The following TENM4 variants were observed in gnomAD, a reference collection of about 807,000 sequenced individuals.
TENM4 encodes teneurin-4.
TENM4 carries 82 observed loss-of-function variants against 243.3 expected under a neutral mutation model. The observed-to-expected ratio is 0.34, with a 90% CI of 0.28 to 0.40. The LOEUF is 0.40. TENM4 is among the 10% of genes least tolerant of loss of function. The pLI is 1.00. For missense variants in TENM4, 3,138 were observed against 3,673.3 expected (o/e 0.85, Z 3.77); for synonymous variants, 1,412 against 1,456.3 (o/e 0.97, Z 0.69).
chr11:79,066,746 A>G (rs369383315), intron 5 of TENM4, among the ~76,000 whole-genome samples: 1 of 106,590 alleles, frequency 9.4e-6, no homozygotes. Flanking sequence ...GCACATGCAC[A>G]CACGCACGCA....
chr11:78,870,886 A>G (rs142160703), intron 9 of TENM4, among the ~76,000 whole-genome samples: 38 of 152,264 alleles, frequency 2.5e-4, no homozygotes, highest in African/African-American at 8.4e-4. Flanking sequence ...CTGAAACCTA[A>G]TTTGTACAGA....
chr11:79,264,082 T>C (rs1855842424), intron 2 of TENM4, among the ~76,000 whole-genome samples: 1 of 152,302 alleles, frequency 6.6e-6, no homozygotes, highest in South Asian at 2.1e-4. Context: ...AAAAAAGAGA[T>C]GTTCAAGTAG....
At chr11:78,899,750 C>T (rs954262513) in intron 7 of TENM4, among the ~76,000 whole-genome samples, 1 of 152,102 alleles carries the variant, frequency 6.6e-6, no homozygotes, top group African/African-American at 2.4e-5. Context: ...CCTGGCACCT[C>T]CCCACCCCTC....
Position 78,814,385 on chromosome 11 carries a change from A to T in TENM4, c.1692T>A (p.Asp564Glu). Reference protein sequence around the residue: ...SFLTTAIESVDNCPSNCYGNG... With the variant: ...SFLTTAIESVENCPSNCYGNG... ...TGCCATAGCAGTTGCTGGGGCAGTT[A>T]TCCACCGACTCTGGGGAGAGAAAGG... The change falls in exon 13 of 34, where the codon GAT becomes GAA. Residue 564 changes from aspartate to glutamate, a missense_variant. Coordinates refer to ENST00000278550, the MANE Select transcript of TENM4 (RefSeq NM_001098816.3). 1.3e-6 allele frequency: 2 copies of T among 1,549,624 alleles called. No homozygotes were observed. The highest frequency in any genetic ancestry group is 8.7e-7 in the Non-Finnish European group (1 of 1,146,168).
intron 4 of TENM4, among the ~76,000 whole-genome samples, chr11:79,129,652 G>A (rs574951659): frequency 1.4e-4 from 21 of 152,176 alleles, no homozygotes; most frequent in African/African-American, 4.6e-4. Flanking sequence ...CTCAGCAGGG[G>A]CAGCCATAGT....
At chr11:79,207,586 G>A (rs888212113) in intron 3 of TENM4, among the ~76,000 whole-genome samples, 16 of 152,092 alleles carry the variant, frequency 1.1e-4, no homozygotes, top group Middle Eastern at 3.4e-3. Context: ...TACAGGTGGC[G>A]GGGTGTGGTG....
chr11:79,049,954 T>A (rs1859755419), intron 6 of TENM4, among the ~76,000 whole-genome samples: 1 of 152,242 alleles, frequency 6.6e-6, no homozygotes, highest in Non-Finnish European at 1.5e-5. Flanking sequence ...TTGCTTTTTT[T>A]TCCCTTTTGC....
At chr11:79,312,389 C>T (rs929890659) in intron 1 of TENM4, among the ~76,000 whole-genome samples, 1 of 152,194 alleles carries the variant, frequency 6.6e-6, no homozygotes, top group East Asian at 1.9e-4. Flanking sequence ...TTACTATGTA[C>T]CAGGCATTAT....
At chr11:79,347,520 C>T (rs937659190) in intron 1 of TENM4, among the ~76,000 whole-genome samples, 3 of 152,158 alleles carry the variant, frequency 2.0e-5, no homozygotes, top group Admixed American at 6.5e-5. Context: ...AAGGTGGGGG[C>T]TCAGTGCCTC....
chr11:79,348,452 G>T (rs1453028311), intron 1 of TENM4, among the ~76,000 whole-genome samples: 2 of 152,126 alleles, frequency 1.3e-5, no homozygotes, highest in Non-Finnish European at 2.9e-5. Context: ...TTAAGTTTTG[G>T]TTCTATCACT....
chr11:79,124,893 A>ATGTGTGTGTGTGTG lies in TENM4; in HGVS notation c.-66+23803_-66+23816dup, dbSNP rs71050209. 4.5e-5 allele frequency among the ~76,000 whole-genome samples: 5 copies of ATGTGTGTGTGTGTG among 111,766 alleles called. 1 individual carries two copies. The South Asian group carries it at 1.2e-3, about 26-fold the overall frequency. The allele number at this position is 111,766 out of a possible 152,430, so 73.3% of individuals were successfully genotyped here. ...TGTATGTGTATATATGTATATGTAT[A>ATGTGTGTGTGTGTG]TGTGTGTGTGTGTGTGTGTGTGTGT... On this transcript the variant is annotated intron_variant, in intron 4 of 33. Coordinates refer to ENST00000278550, the MANE Select transcript of TENM4 (RefSeq NM_001098816.3).
chr11:78,750,415 A>G (rs1258400337), intron 19 of TENM4, among the ~76,000 whole-genome samples: 2 of 152,190 alleles, frequency 1.3e-5, no homozygotes, highest in Non-Finnish European at 2.9e-5. Flanking sequence ...AAGTCTCCCG[A>G]CTGAAATTTT....
intron 4 of TENM4, among the ~76,000 whole-genome samples, chr11:79,076,178 T>C (rs1216724014): frequency 6.6e-6 from 1 of 152,204 alleles, no homozygotes; most frequent in Non-Finnish European, 1.5e-5. Context: ...TTCTCGTTTT[T>C]GAGGCCAGGC....
Position 78,738,542 on chromosome 11 carries a change from T to C in TENM4, c.2785A>G (p.Met929Val). The C allele has an allele frequency of 1.2e-6, 2 of 1,613,784 alleles. No individual in the cohort carries two copies. The highest frequency in any genetic ancestry group is 1.7e-6 in the Non-Finnish European group (2 of 1,179,788). ...GHACVIRGQVMTSDGTPLVGV... is the reference protein window; with the variant it reads ...GHACVIRGQVVTSDGTPLVGV... ...ACCAGGGGGGTTCCATCTGATGTCA[T>C]CACTTGGCCACGAATAACACAAGCA... The change falls in exon 20 of 34, where the codon ATG becomes GTG. Residue 929 changes from methionine to valine, a missense_variant. Met to Val is a conservative substitution (Grantham distance 21). Coordinates refer to ENST00000278550, the MANE Select transcript of TENM4 (RefSeq NM_001098816.3).
chr11:79,237,796 G>A lies in TENM4; in HGVS notation c.-264-21887C>T, dbSNP rs539455386. Among the ~76,000 whole-genome samples the A allele has an allele frequency of 3.3e-5, 5 of 152,260 alleles. No homozygotes were observed. The South Asian group carries it at 8.3e-4, about 25-fold the overall frequency. Reference sequence around the variant, plus strand: ...CGGCCAAATAGAAATGTGTTTTGTCGGCTCAGAGGCTCTTTTTCGTTTCCT... The same window carrying A: ...CGGCCAAATAGAAATGTGTTTTGTCAGCTCAGAGGCTCTTTTTCGTTTCCT... On this transcript the variant is annotated intron_variant, in intron 2 of 33. Coordinates refer to ENST00000278550, the MANE Select transcript of TENM4 (RefSeq NM_001098816.3).
At chr11:79,435,527 G>T (rs1811519589) in intron 1 of TENM4, among the ~76,000 whole-genome samples, 1 of 152,148 alleles carries the variant, frequency 6.6e-6, no homozygotes, top group Non-Finnish European at 1.5e-5. Flanking sequence ...TACCCTGCTA[G>T]GCTCTTGGAA....
intron 1 of TENM4, among the ~76,000 whole-genome samples, chr11:79,323,578 C>T (rs1209917025): frequency 2.6e-5 from 4 of 152,190 alleles, no homozygotes; most frequent in South Asian, 2.1e-4. Flanking sequence ...GGTACCCAAT[C>T]GCTTGGTCAA....
intron 16 of TENM4, among the ~76,000 whole-genome samples, chr11:78,784,732 C>T (rs564912033): frequency 4.6e-4 from 70 of 152,208 alleles, no homozygotes; most frequent in African/African-American, 1.4e-3. Context: ...TCTAGAAGAG[C>T]GACAACAGAG....
intron 7 of TENM4, among the ~76,000 whole-genome samples, chr11:78,892,833 T>C (rs1028518800): frequency 2.0e-5 from 3 of 152,192 alleles, no homozygotes; most frequent in African/African-American, 7.2e-5. Flanking sequence ...CATAAACAAG[T>C]GGAGAGCCAA....
Sources: allele counts gnomAD v4.1 joint callset (sites outside exome capture counted in the v4.1 genomes callset), GRCh38; gene constraint gnomAD v4.1.1; transcripts MANE v1.5; gene names NCBI Gene and HGNC (gene_info 2026-07-23, HGNC 2026-07-21).